TANC2: variants seen among roughly 807,000 people sequenced by gnomAD.
TANC2 encodes tetratricopeptide repeat, ankyrin repeat and coiled-coil containing 2, also known as protein TANC2.
Under a neutral mutation model 210.5 loss-of-function variants are expected in TANC2, and 26 were observed. That is an observed-to-expected ratio of 0.12 (90% CI 0.09 to 0.17). The LOEUF (loss-of-function observed/expected upper bound fraction) is 0.17, where lower values mean the gene tolerates loss of function less well. TANC2 is among the 10% of genes least tolerant of loss of function. The pLI is 1.00. For synonymous variants in TANC2, 931 were observed against 967.1 expected, an observed-to-expected ratio of 0.96 and a Z score of 0.69; for missense variants, 2,129 against 2,608.9, an observed-to-expected ratio of 0.82 and a Z score of 4.01.
chr17:63,220,011 T>C (rs901840500), intron 7 of TANC2, among the ~76,000 whole-genome samples: 1 of 152,014 alleles, frequency 6.6e-6, no homozygotes, highest in African/African-American at 2.4e-5. Flanking sequence ...AGTCCAAAAA[T>C]AGGCTGAGCA....
At chr17:63,200,110 C>A (rs1267690901) in intron 6 of TANC2, among the ~76,000 whole-genome samples, 3 of 151,830 alleles carry the variant, frequency 2.0e-5, no homozygotes, top group African/African-American at 4.8e-5. Flanking sequence ...AATCCCAGCA[C>A]TTTGGGAGGT....
chr17:63,382,294 C>T (rs895125576), intron 15 of TANC2, among the ~76,000 whole-genome samples: 1 of 152,170 alleles, frequency 6.6e-6, no homozygotes, highest in Non-Finnish European at 1.5e-5. Context: ...CATTCTTACT[C>T]AGCTCCTTTT....
At chr17:63,292,832 A>G (rs1015315772) in intron 9 of TANC2, among the ~76,000 whole-genome samples, 15 of 152,320 alleles carry the variant, frequency 9.8e-5, no homozygotes, top group Non-Finnish European at 4.4e-5. Context: ...CCATGGTATC[A>G]TTAACCCTAT....
At chr17:63,184,639 T>G (rs990911513) in intron 5 of TANC2, among the ~76,000 whole-genome samples, 2 of 151,590 alleles carry the variant, frequency 1.3e-5, no homozygotes, top group Non-Finnish European at 2.9e-5. Context: ...ATAAATAAAA[T>G]CATTTAGTAT....
At chr17:63,173,112 G>A (rs1167355669) in intron 5 of TANC2, among the ~76,000 whole-genome samples, 1 of 152,118 alleles carries the variant, frequency 6.6e-6, no homozygotes, top group Non-Finnish European at 1.5e-5. Context: ...AATGTAATTA[G>A]ATAACATAAT....
intron 2 of TANC2, among the ~76,000 whole-genome samples, chr17:63,025,796 A>AAAAAT (rs1255977563): frequency 1.0e-3 from 142 of 139,212 alleles, no homozygotes; most frequent in African/African-American, 4.0e-3. Flanking sequence ...ACCCTATCTC[A>AAAAAT]AAAATAAAAT....
chr17:63,103,838 A>G (rs899007754), intron 4 of TANC2, among the ~76,000 whole-genome samples: 3 of 152,168 alleles, frequency 2.0e-5, no homozygotes, highest in Admixed American at 1.3e-4. Flanking sequence ...GTTGTGTGGC[A>G]TACTCTTATT....
chr17:63,335,487 C>G (rs897470120), intron 11 of TANC2, among the ~76,000 whole-genome samples: 5 of 151,898 alleles, frequency 3.3e-5, no homozygotes, highest in Non-Finnish European at 5.9e-5. Context: ...GTGGTGTGCA[C>G]CTGTAATCCC....
chr17:63,252,901 TTCTTC>T (rs1438253213), intron 8 of TANC2, among the ~76,000 whole-genome samples: 56 of 152,286 alleles, frequency 3.7e-4, no homozygotes, highest in Admixed American at 6.5e-4. Context: ...ACACTTAGGT[TTCTTC>T]CAAATCTTGG....
At chr17:63,368,701 A>G (rs1410173171) in intron 14 of TANC2, among the ~76,000 whole-genome samples, 2 of 152,220 alleles carry the variant, frequency 1.3e-5, no homozygotes, top group Admixed American at 1.3e-4. Flanking sequence ...AATACTTTGC[A>G]TAGAATGATT....
chr17:63,265,448 C>T (rs1014329821), intron 8 of TANC2, among the ~76,000 whole-genome samples: 2 of 152,082 alleles, frequency 1.3e-5, no homozygotes, highest in African/African-American at 4.8e-5. Flanking sequence ...TTCAGAGCTG[C>T]TGTGGAATAC....
At chr17:63,262,015 A>C (rs1362236210) in intron 8 of TANC2, among the ~76,000 whole-genome samples, 1 of 152,224 alleles carries the variant, frequency 6.6e-6, no homozygotes, top group East Asian at 1.9e-4. Context: ...GTTATCTAAA[A>C]ACTAAATTGG....
rs1482785578 is a variant in TANC2, at chr17:63,420,131, G to A, written c.4401G>A (p.Pro1467=). Residue 1467 remains proline (P), a synonymous_variant, in exon 28 of 28, where the codon CCG becomes CCA. Coordinates refer to ENST00000689528, the Ensembl canonical transcript of TANC2. This position sits in a 1 kb window ranked among gnomAD's most constrained non-coding sequence, Gnocchi z 4.2. ...TGCAGCAGCCACAGCAGCCACCGCC[G>A]CCACCGCAGCCTCAGCAGCAGTTGC... 18 of 1,554,670 alleles carry A rather than the reference G, an allele frequency of 1.2e-5. No individual in the cohort carries two copies. Among genetic ancestry groups the A allele is most frequent in the African/African-American group, 6.8e-5 (5 of 73,126 alleles).
chr17:63,395,629 G>A (rs552902399), intron 17 of TANC2, 114 bp from the exon 18 acceptor site: 15 of 928,454 alleles, frequency 1.6e-5, no homozygotes, highest in South Asian at 1.2e-4. Context: ...ATTGGTTCCA[G>A]GAGTGGAAAG....
chr17:63,095,107 A>C (rs1319448500), intron 3 of TANC2, among the ~76,000 whole-genome samples: 1 of 151,624 alleles, frequency 6.6e-6, no homozygotes, highest in Non-Finnish European at 1.5e-5. Context: ...TCCCTGCCCC[A>C]CTGATGCTTC....
At chr17:63,283,425 C>G (rs2044121730) in intron 9 of TANC2, among the ~76,000 whole-genome samples, 1 of 151,372 alleles carries the variant, frequency 6.6e-6, no homozygotes, top group Admixed American at 6.6e-5. Flanking sequence ...GTTATTTCAG[C>G]TATTCTAGAT....
chr17:63,186,598 C>A (rs574364211), intron 5 of TANC2, among the ~76,000 whole-genome samples: 5 of 152,008 alleles, frequency 3.3e-5, no homozygotes, highest in African/African-American at 7.2e-5. Context: ...GGTGATCCAC[C>A]CCCCGCTTCA....
intron 3 of TANC2, among the ~76,000 whole-genome samples, chr17:63,095,493 T>A (rs2037354366): frequency 6.6e-6 from 1 of 152,074 alleles, no homozygotes; most frequent in African/African-American, 2.4e-5. Context: ...CTTAAGTATG[T>A]TCCTTTGATT....
At position 63,389,559 on chromosome 17, in the gene TANC2, G is replaced by T; in HGVS notation, c.3051+15G>T. The T allele has an allele frequency of 2.5e-6, 4 of 1,587,652 alleles. No individual in the cohort carries two copies. Among genetic ancestry groups the T allele is most frequent in the Non-Finnish European group, 2.6e-6 (3 of 1,165,674 alleles). The stretch of plus-strand genomic sequence containing the variant: ...AACGGGCCAAGGTACTGGCTGCCCA[G>T]CTCTGCTGCTTTTCTTCCCTTTTTC... On this transcript the variant is annotated intron_variant, in intron 17 of 27. Transcript: ENST00000689528.
Sources: gnomAD v4.1 joint callset for allele counts (sites outside exome capture counted in the v4.1 genomes callset) on GRCh38, gnomAD v4.1.1 for gene constraint, Gnocchi (gnomAD v3.1) non-coding constraint, MANE v1.5 for transcripts, NCBI Gene and HGNC (gene_info 2026-07-23, HGNC 2026-07-21) for gene names.